The following WDFY3 variants were observed in gnomAD, a reference collection of about 807,000 sequenced individuals.
WDFY3 encodes WD repeat and FYVE domain-containing protein 3.
In WDFY3, 66 loss-of-function variants were observed where a neutral mutation model predicts 409.6. The observed-to-expected ratio is 0.16, with a 90% CI of 0.13 to 0.20. The LOEUF (loss-of-function observed/expected upper bound fraction) is 0.20, where lower values mean the gene tolerates loss of function less well. WDFY3 is among the 10% of genes least tolerant of loss of function. WDFY3 has a pLI of 1.00. For missense variants in WDFY3, 3,031 were observed against 4,298.1 expected, an observed-to-expected ratio of 0.71 and a Z score of 8.24; for synonymous variants, 1,521 against 1,537.1, an observed-to-expected ratio of 0.99 and a Z score of 0.25.
At position 84,821,159 on chromosome 4, in the gene WDFY3, A is replaced by G. The variant is rs914795588; in HGVS notation, c.1516T>C (p.Leu506=). 2 of 1,613,742 alleles carry G rather than the reference A, an allele frequency of 1.2e-6. No individual in the cohort carries two copies. The highest frequency in any genetic ancestry group is 2.7e-5 in the African/African-American group (2 of 75,034). Residue 506 remains leucine (L), a synonymous_variant, in exon 11 of 68, where the codon TTG becomes CTG. Transcript: ENST00000295888. ...TGCAAAAGGTTTACCATGACCTCCAAAAGGCCAACCTCCCTGAACACGTCT... is the reference window on the plus strand; with the variant it reads ...TGCAAAAGGTTTACCATGACCTCCAGAAGGCCAACCTCCCTGAACACGTCT... ...FKDVFREVGL[L]EVMVNLLHKY... is the part of the protein sequence containing the mutation.
chr4:84,726,735 G>T (rs1234414742), intron 45 of WDFY3, 126 bp downstream of exon 45: 9 of 788,230 alleles, frequency 1.1e-5, no homozygotes, highest in African/African-American at 1.8e-5. Context: ...GGAACTTATA[G>T]GAAGAACAAA....
intron 10 of WDFY3, among the ~76,000 whole-genome samples, chr4:84,821,965 T>C (rs950653943): frequency 2.6e-5 from 4 of 152,114 alleles, no homozygotes; most frequent in African/African-American, 9.7e-5. Flanking sequence ...AGAGCAGCAA[T>C]AATGAAGCAG....
intron 62 of WDFY3, among the ~76,000 whole-genome samples, chr4:84,685,684 A>C (rs181054046): frequency 3.9e-5 from 6 of 152,198 alleles, no homozygotes; most frequent in Non-Finnish European, 7.3e-5. Flanking sequence ...GTGTAAACTG[A>C]AGTAAAGCAG....
Position 84,755,709 on chromosome 4 carries a change from A to C in WDFY3, c.5425-309T>G, listed in dbSNP as rs564276030. Among the ~76,000 whole-genome samples, 43 of 152,328 alleles carry C rather than the reference A, an allele frequency of 2.8e-4. No homozygotes were observed. In the South Asian group the frequency reaches 8.7e-3, roughly 31 times the overall value. On this transcript the variant is annotated intron_variant, in intron 33 of 67. Coordinates refer to ENST00000295888, the MANE Select transcript of WDFY3 (RefSeq NM_014991.6). ...TACATGTTAATTAGCCAAGAGATAA[A>C]ATTATAGAACAAATAAATTTAAGCA...
chr4:84,847,827 A>T (rs1445778554), intron 5 of WDFY3, among the ~76,000 whole-genome samples: 5 of 150,438 alleles, frequency 3.3e-5, no homozygotes, highest in Non-Finnish European at 1.5e-5. Flanking sequence ...AAAACCCCAG[A>T]AAGGTAAGAA....
rs1218901932 is a variant in WDFY3, at chr4:84,794,785, T to A, written c.3269-48A>T. 3 of 1,527,388 alleles carry A rather than the reference T, an allele frequency of 2.0e-6. No individual in the cohort carries two copies. In the Admixed American group the frequency reaches 6.6e-5, roughly 34 times the overall value. 94.6% of individuals were successfully genotyped at this position (1,527,388 alleles called of 1,614,324 possible). On this transcript the variant is annotated intron_variant, in intron 20 of 67. Coordinates refer to ENST00000295888, the MANE Select transcript of WDFY3 (RefSeq NM_014991.6). ...AAGTCTGTGTTGATTAATATTTATA[T>A]TTTTTAAAAGATGCCAACAAAAGCA...
chr4:84,867,260 C>A (rs1232670933), intron 3 of WDFY3, among the ~76,000 whole-genome samples: 1 of 152,116 alleles, frequency 6.6e-6, no homozygotes, highest in Non-Finnish European at 1.5e-5. Flanking sequence ...TAAGCCCCTA[C>A]AGTGCTATGT....
At chr4:84,834,878 G>T (rs1477506670) in intron 7 of WDFY3, among the ~76,000 whole-genome samples, 1 of 152,132 alleles carries the variant, frequency 6.6e-6, no homozygotes, top group Non-Finnish European at 1.5e-5. Flanking sequence ...TAATAAGTTC[G>T]TGTCAATTGG....
At chr4:84,799,457 C>T (rs1374954502) in intron 17 of WDFY3, among the ~76,000 whole-genome samples, 1 of 151,946 alleles carries the variant, frequency 6.6e-6, no homozygotes, top group Non-Finnish European at 1.5e-5. Flanking sequence ...CAGGCATGAG[C>T]CACACTGCCT....
chr4:84,806,520 T>A (rs868055571), intron 15 of WDFY3, among the ~76,000 whole-genome samples: 35 of 149,880 alleles, frequency 2.3e-4, no homozygotes, highest in African/African-American at 8.9e-4. Context: ...GACAATATGT[T>A]TTTGATTTAA....
rs768364819 is a variant in WDFY3, at chr4:84,691,646, G to A, written c.9189C>T (p.Thr3063=). The part of the protein sequence containing the change: ...GYADLSCRLG[T]YESDKAMTVY... ...TAATGCAAACCTTGTCTGACTCATA[G>A]GTTCCCAGTCTGCAACTGAGGTCTG... The change falls in exon 60 of 68, where the codon ACC becomes ACT. Residue 3063 remains threonine (T), a synonymous_variant. Transcript: ENST00000295888. 8 of 1,613,612 alleles carry A rather than the reference G, an allele frequency of 5.0e-6. No individual in the cohort carries two copies. The East Asian group carries it at 1.3e-4, about 27-fold the overall frequency.
At chr4:84,904,950 A>T (rs1184234110) in intron 2 of WDFY3, among the ~76,000 whole-genome samples, 2 of 144,840 alleles carry the variant, frequency 1.4e-5, no homozygotes, top group African/African-American at 5.2e-5. Flanking sequence ...CATTGGTGGT[A>T]GTGGTCCCTG....
intron 23 of WDFY3, among the ~76,000 whole-genome samples, chr4:84,787,189 A>T (rs1013462190): frequency 2.0e-5 from 3 of 152,218 alleles, no homozygotes; most frequent in African/African-American, 7.2e-5. Flanking sequence ...GAGAAATCAC[A>T]GAAAGAGAAG....
rs1396244266 is a variant in WDFY3, at chr4:84,715,394, CAG to C, written c.7876-13_7876-12del. The C allele has an allele frequency of 6.8e-7, 1 of 1,466,638 alleles. No homozygotes were observed. The highest frequency in any genetic ancestry group is 1.2e-5 in the South Asian group (1 of 84,920). 90.9% of individuals were successfully genotyped at this position (1,466,638 alleles called of 1,614,324 possible). ...TTCCACAGCAATAGGCTGAAATGAT[CAG>C]AGAGAAAAACATTAAGAAAAAACAG... On this transcript the variant is annotated splice_polypyrimidine_tract_variant and intron_variant, in intron 49 of 67. Coordinates refer to ENST00000295888, the MANE Select transcript of WDFY3 (RefSeq NM_014991.6).
chr4:84,821,155 T>C lies in WDFY3; in HGVS notation c.1520A>G (p.Glu507Gly). The C allele has an allele frequency of 1.2e-6, 2 of 1,613,682 alleles. No individual in the cohort carries two copies. The highest frequency in any genetic ancestry group is 1.3e-5 in the African/African-American group (1 of 75,034). The change falls in exon 11 of 68, where the codon GAG (glutamate) becomes GGG (glycine). Residue 507 changes from glutamate to glycine, a missense_variant. By Grantham distance (98) the Glu-to-Gly change is moderately conservative. Coordinates refer to ENST00000295888, the MANE Select transcript of WDFY3 (RefSeq NM_014991.6). ...KDVFREVGLL[E>G]VMVNLLHKYA... ...TTTATGCAAAAGGTTTACCATGACC[T>C]CCAAAAGGCCAACCTCCCTGAACAC...
intron 1 of WDFY3, among the ~76,000 whole-genome samples, chr4:84,956,282 C>A (rs989610730): frequency 3.3e-5 from 5 of 152,116 alleles, no homozygotes; most frequent in Non-Finnish European, 7.3e-5. Flanking sequence ...ACACAGGTAC[C>A]AAAGGCTTAA....
At chr4:84,836,369 T>C (rs1378008539) in intron 7 of WDFY3, among the ~76,000 whole-genome samples, 1 of 152,150 alleles carries the variant, frequency 6.6e-6, no homozygotes. Flanking sequence ...AGAAAGGATA[T>C]CATACATGAT....
Position 84,718,554 on chromosome 4 carries a change from C to G in WDFY3, c.7622G>C (p.Arg2541Pro). The G allele has an allele frequency of 1.2e-6, 2 of 1,612,164 alleles. No individual in the cohort carries two copies. The highest frequency in any genetic ancestry group is 1.7e-6 in the Non-Finnish European group (2 of 1,179,142). Residue 2541 changes from arginine (R) to proline (P), a missense_variant, in exon 48 of 68, where the codon CGC (arginine) becomes CCC (proline). Coordinates refer to ENST00000295888, the MANE Select transcript of WDFY3 (RefSeq NM_014991.6). ...EEGEKIQHMY[R>P]CARVQGLDTS... The stretch of plus-strand genomic sequence containing the variant: ...ATCTAGGCCCTGGACTCGAGCACAG[C>G]GGTACATGTGTTGGATCTATAAAGA...
At chr4:84,959,794 A>C (rs1245326683) in intron 1 of WDFY3, among the ~76,000 whole-genome samples, 2 of 152,240 alleles carry the variant, frequency 1.3e-5, no homozygotes, top group Admixed American at 1.3e-4. Flanking sequence ...TTCAGATGTC[A>C]TTAATACTTG....
Sources: gnomAD v4.1 joint callset for allele counts (sites outside exome capture counted in the v4.1 genomes callset) on GRCh38, gnomAD v4.1.1 for gene constraint, MANE v1.5 for transcripts, NCBI Gene and HGNC (gene_info 2026-07-23, HGNC 2026-07-21) for gene names.